QTMAN: variants seen among roughly 807,000 people sequenced by gnomAD.
The protein encoded by QTMAN is tRNA-queuosine alpha-mannosyltransferase.
the QTMAN span, among the ~76,000 whole-genome samples, chr2:144,004,973 G>A: frequency 1.3e-5 from 2 of 152,006 alleles, no homozygotes; most frequent in Non-Finnish European, 2.9e-5. Flanking sequence ...CTCCAGGCTA[G>A]CAGTGACAGA....
At chr2:143,949,387 G>C in the QTMAN span, among the ~76,000 whole-genome samples, 1 of 151,948 alleles carries the variant, frequency 6.6e-6, no homozygotes, top group Admixed American at 6.6e-5. Context: ...AGAAAGCCAA[G>C]TGTTAGTAGC....
At chr2:144,097,148 A>G in the QTMAN span, among the ~76,000 whole-genome samples, 1 of 152,226 alleles carries the variant, frequency 6.6e-6, no homozygotes, top group African/African-American at 2.4e-5. Flanking sequence ...ATTACTTGAG[A>G]TTTCTAATGC....
chr2:143,971,263 C>A, the QTMAN span, among the ~76,000 whole-genome samples: 2 of 151,882 alleles, frequency 1.3e-5, no homozygotes, highest in Non-Finnish European at 2.9e-5. Context: ...CCACAAGGAA[C>A]GCACAATTTA....
the QTMAN span, among the ~76,000 whole-genome samples, chr2:144,068,549 T>A: frequency 5.3e-5 from 8 of 152,248 alleles, no homozygotes; most frequent in African/African-American, 1.9e-4. Context: ...GTAGTCCAAT[T>A]AATATGCAAA....
At chr2:144,074,197 G>T in the QTMAN span, among the ~76,000 whole-genome samples, 2 of 152,174 alleles carry the variant, frequency 1.3e-5, no homozygotes, top group Non-Finnish European at 2.9e-5. Context: ...TGACATGATT[G>T]ATTTTAAGAA....
At chr2:143,974,444 G>A in the QTMAN span, among the ~76,000 whole-genome samples, 1 of 152,102 alleles carries the variant, frequency 6.6e-6, no homozygotes, top group Admixed American at 6.5e-5. Flanking sequence ...TGACCTAATG[G>A]AATGATAAGT....
the QTMAN span, among the ~76,000 whole-genome samples, chr2:144,212,044 T>A: frequency 6.6e-6 from 1 of 152,210 alleles, no homozygotes; most frequent in African/African-American, 2.4e-5. Flanking sequence ...TGTGGTCAAG[T>A]GTTTGCTAGA....
At chr2:144,079,165 A>T in the QTMAN span, among the ~76,000 whole-genome samples, 1 of 152,180 alleles carries the variant, frequency 6.6e-6, no homozygotes, top group Non-Finnish European at 1.5e-5. Flanking sequence ...ACAATGAAAT[A>T]GAGGAGGCAA....
At chr2:144,165,230 C>T in the QTMAN span, among the ~76,000 whole-genome samples, 1 of 151,986 alleles carries the variant, frequency 6.6e-6, no homozygotes, top group African/African-American at 2.4e-5. Context: ...ATTAGCCAGG[C>T]ATGGTAGCAT....
chr2:144,143,541 T>A, the QTMAN span, among the ~76,000 whole-genome samples: 1 of 151,904 alleles, frequency 6.6e-6, no homozygotes, highest in African/African-American at 2.4e-5. Context: ...AAAACTGATT[T>A]TCTATACAAG....
chr2:144,198,274 C>T, the QTMAN span, among the ~76,000 whole-genome samples: 1 of 151,774 alleles, frequency 6.6e-6, no homozygotes, highest in African/African-American at 2.4e-5. Flanking sequence ...CTCTCTTGTA[C>T]TCAATTCACG....
the QTMAN span, among the ~76,000 whole-genome samples, chr2:144,247,640 G>A: frequency 2.0e-5 from 3 of 152,180 alleles, no homozygotes; most frequent in Admixed American, 1.3e-4. Flanking sequence ...AGAGGAAACA[G>A]ATAAAAGGCT....
the QTMAN span, among the ~76,000 whole-genome samples, chr2:144,312,395 C>T: frequency 6.6e-6 from 1 of 152,106 alleles, no homozygotes; most frequent in Non-Finnish European, 1.5e-5. Flanking sequence ...TGGCAAGCAG[C>T]CCTCCTTGGC....
At chr2:144,304,103 TAAC>T in the QTMAN span, among the ~76,000 whole-genome samples, 3 of 152,010 alleles carry the variant, frequency 2.0e-5, no homozygotes, top group African/African-American at 4.8e-5. Flanking sequence ...GAGAGAACAA[TAAC>T]AACACTTCCA....
the QTMAN span, among the ~76,000 whole-genome samples, chr2:144,132,072 T>C: frequency 4.0e-5 from 6 of 151,852 alleles, no homozygotes; most frequent in Non-Finnish European, 7.4e-5. Flanking sequence ...AATATTCACC[T>C]GAATATGCCT....
At chr2:143,982,969 T>C in the QTMAN span, among the ~76,000 whole-genome samples, 1 of 151,962 alleles carries the variant, frequency 6.6e-6, no homozygotes, top group Non-Finnish European at 1.5e-5. Flanking sequence ...GCTTTAGAGA[T>C]GTATATAAAC....
the QTMAN span, among the ~76,000 whole-genome samples, chr2:144,087,526 C>T: frequency 6.6e-6 from 1 of 151,886 alleles, no homozygotes; most frequent in African/African-American, 2.4e-5. Flanking sequence ...AACTACAGGA[C>T]AATATCCCTG....
At chr2:144,056,879 T>C in the QTMAN span, among the ~76,000 whole-genome samples, 3 of 152,214 alleles carry the variant, frequency 2.0e-5, no homozygotes, top group Admixed American at 2.0e-4. Flanking sequence ...CTTTTCGAAA[T>C]ACTTAACAAA....
the QTMAN span, among the ~76,000 whole-genome samples, chr2:144,267,838 A>G: frequency 2.6e-5 from 4 of 152,230 alleles, no homozygotes. Context: ...CACATGCTCT[A>G]AATAGGTATT....
Sources: gnomAD v4.1 joint callset for allele counts (sites outside exome capture counted in the v4.1 genomes callset) on GRCh38, gnomAD v4.1.1 for gene constraint, MANE v1.5 for transcripts, NCBI Gene and HGNC (gene_info 2026-07-23, HGNC 2026-07-21) for gene names.